Variants in TCAIM observed in about 807,000 individuals in gnomAD.
TCAIM encodes T-cell activation inhibitor, mitochondrial.
Under a neutral mutation model 58.6 loss-of-function variants are expected in TCAIM, and 36 were observed. The ratio of observed to expected loss-of-function variants is 0.61; its 90% CI spans 0.47 to 0.81. TCAIM has a LOEUF of 0.81. Ranked by LOEUF, TCAIM falls within the 30% of genes least tolerant of loss-of-function variation. The pLI, the probability that TCAIM is intolerant of heterozygous loss-of-function variation, is 0.00. For synonymous variants in TCAIM, 172 were observed against 193.6 expected (o/e 0.89, Z 0.93); for missense variants, 466 against 579.6 (o/e 0.80, Z 2.01).
chr3:44,354,109 T>C (rs1701146741), intron 1 of TCAIM, among the ~76,000 whole-genome samples: 1 of 152,236 alleles, frequency 6.6e-6, no homozygotes, highest in East Asian at 1.9e-4. Context: ...GTAAGGTCTG[T>C]GTCCAGGTTA....
At chr3:44,347,460 G>C (rs1308762286) in intron 1 of TCAIM, among the ~76,000 whole-genome samples, 3 of 152,190 alleles carry the variant, frequency 2.0e-5, no homozygotes, top group Non-Finnish European at 4.4e-5. Flanking sequence ...CCAGGTAAAA[G>C]CAAAGGGGCT....
chr3:44,343,648 T>C (rs559962753), intron 1 of TCAIM, among the ~76,000 whole-genome samples: 58 of 152,310 alleles, frequency 3.8e-4, no homozygotes, highest in African/African-American at 1.4e-3. Context: ...CCTACTGTTT[T>C]AGACAGCAGA....
chr3:44,397,631 C>CT (rs1223305573), intron 8 of TCAIM, among the ~76,000 whole-genome samples: 1 of 152,158 alleles, frequency 6.6e-6, no homozygotes, highest in Non-Finnish European at 1.5e-5. Flanking sequence ...TTTCCTTTCT[C>CT]TTGGGTAAAT....
intron 1 of TCAIM, among the ~76,000 whole-genome samples, chr3:44,353,568 G>A (rs1049731706): frequency 4.6e-5 from 7 of 152,218 alleles, no homozygotes; most frequent in African/African-American, 1.7e-4. Context: ...GAGAGTTGCT[G>A]TTGCCACACA....
rs1361134459 is a variant in TCAIM, at chr3:44,396,392, T to C, written c.696-8T>C. On this transcript the variant is annotated splice_region_variant and splice_polypyrimidine_tract_variant and intron_variant, in intron 6 of 10. Coordinates refer to ENST00000342649, the MANE Select transcript of TCAIM (RefSeq NM_173826.4). ...TTGTTAACATGAGTGTGTGCTCTGT[T>C]GGCCTAGGTGGCAGAGGAGCTGGGG... 6.2e-7 allele frequency: 1 copy of C among 1,611,876 alleles called. No homozygotes were observed. The highest frequency in any genetic ancestry group is 1.1e-5 in the South Asian group (1 of 90,590).
At chr3:44,397,050 T>TA (rs1701946981) in intron 8 of TCAIM, among the ~76,000 whole-genome samples, 1 of 152,244 alleles carries the variant, frequency 6.6e-6, no homozygotes, top group African/African-American at 2.4e-5. Flanking sequence ...AGGCAGTTTT[T>TA]ATCTGGTAAT....
chr3:44,369,047 G>A (rs1701423516), intron 5 of TCAIM, among the ~76,000 whole-genome samples: 1 of 152,074 alleles, frequency 6.6e-6, no homozygotes, highest in South Asian at 2.1e-4. Context: ...TAAATAAAAA[G>A]TAGAGTCATG....
chr3:44,391,771 G>A (rs1701839799), intron 5 of TCAIM, among the ~76,000 whole-genome samples: 1 of 152,110 alleles, frequency 6.6e-6, no homozygotes, highest in African/African-American at 2.4e-5. Context: ...AATAAGCATT[G>A]GGAGCTCAGG....
At chr3:44,385,840 T>A (rs1701730817) in intron 5 of TCAIM, among the ~76,000 whole-genome samples, 1 of 152,212 alleles carries the variant, frequency 6.6e-6, no homozygotes, top group African/African-American at 2.4e-5. Context: ...CGATGGTGTC[T>A]CTTGTACATA....
intron 2 of TCAIM, among the ~76,000 whole-genome samples, chr3:44,356,664 C>T (rs1701196783): frequency 6.6e-6 from 1 of 151,820 alleles, no homozygotes; most frequent in South Asian, 2.1e-4. Context: ...GGTTACAAAA[C>T]TTAAGAATGA....
At chr3:44,370,778 C>T (rs1701455050) in intron 5 of TCAIM, among the ~76,000 whole-genome samples, 1 of 144,206 alleles carries the variant, frequency 6.9e-6, no homozygotes, top group East Asian at 2.0e-4. Context: ...CAGGGTCTTA[C>T]TCTGTCAGGT....
chr3:44,379,467 C>T (rs1231593552), intron 5 of TCAIM, among the ~76,000 whole-genome samples: 1 of 152,154 alleles, frequency 6.6e-6, no homozygotes, highest in Non-Finnish European at 1.5e-5. Context: ...ATGGAATCAA[C>T]CTCAATGCCC....
rs531337332 is a variant in TCAIM at position 44,341,703 on chromosome 3, ACT to A, written c.-45+2872_-45+2873del. On this transcript the variant is annotated intron_variant, in intron 1 of 10. Transcript: ENST00000342649. Reference sequence around the variant, plus strand: ...AAAAAATTATGCCATTTTTTAATACACTCTGACATAATAATAGTTGCAACTGT... The same window carrying A: ...AAAAAATTATGCCATTTTTTAATACACTGACATAATAATAGTTGCAACTGT... Among the ~76,000 whole-genome samples the A allele has an allele frequency of 4.1e-3, 626 of 152,226 alleles. 8 individuals carry two copies. Among genetic ancestry groups the A allele is most frequent in the African/African-American group, 0.014 (597 of 41,552 alleles).
At chr3:44,379,131 T>C (rs1199952595) in intron 5 of TCAIM, among the ~76,000 whole-genome samples, 1 of 151,524 alleles carries the variant, frequency 6.6e-6, no homozygotes, top group Non-Finnish European at 1.5e-5. Context: ...GAGATTGCAG[T>C]GAGCCAAGAT....
intron 5 of TCAIM, among the ~76,000 whole-genome samples, chr3:44,386,446 G>A (rs956057234): frequency 9.2e-5 from 14 of 152,178 alleles, no homozygotes; most frequent in Non-Finnish European, 1.5e-5. Flanking sequence ...ACAGGCAGGA[G>A]CCCCACCTCC....
chr3:44,366,535 G>A (rs1464468523), intron 4 of TCAIM, among the ~76,000 whole-genome samples: 2 of 147,192 alleles, frequency 1.4e-5, no homozygotes, highest in African/African-American at 5.1e-5. Flanking sequence ...GCACGATCTC[G>A]GCTCACTGCA....
At chr3:44,338,413 A>C (rs2125710844), upstream of TCAIM, 1 of 152,434 alleles carries the variant, frequency 6.6e-6, no homozygotes, top group East Asian at 1.9e-4. Flanking sequence ...GCACCGCGGA[A>C]GGTTGAATCC....
At chr3:44,357,618 C>T in intron 2 of TCAIM, 123 bp from the exon 3 acceptor site, 1 of 1,281,138 alleles carries the variant, frequency 7.8e-7, no homozygotes. Context: ...TTTCAGAAAA[C>T]CACAAAGTAT....
chr3:44,391,781 G>T (rs917450630), intron 5 of TCAIM, among the ~76,000 whole-genome samples: 1 of 152,086 alleles, frequency 6.6e-6, no homozygotes, highest in Non-Finnish European at 1.5e-5. Context: ...GGGAGCTCAG[G>T]GTAGTAATAT....
Sources: allele counts gnomAD v4.1 joint callset (sites outside exome capture counted in the v4.1 genomes callset), GRCh38; gene constraint gnomAD v4.1.1; transcripts MANE v1.5; gene names NCBI Gene and HGNC (gene_info 2026-07-23, HGNC 2026-07-21).